BRAF: variants seen among roughly 807,000 people sequenced by gnomAD.
BRAF encodes the protein serine/threonine-protein kinase B-raf.
In BRAF, 16 loss-of-function variants were observed where a neutral mutation model predicts 104.6. That is an observed-to-expected ratio of 0.15 (90% CI 0.10 to 0.23). BRAF has a LOEUF of 0.23. Among genes scored for constraint, BRAF ranks in the 10% least tolerant of loss-of-function variants. The pLI is 1.00. For missense variants in BRAF, 541 were observed against 937.3 expected, an observed-to-expected ratio of 0.58 and a Z score of 5.52; for synonymous variants, 310 against 341.6, an observed-to-expected ratio of 0.91 and a Z score of 1.02.
Position 140,835,662 on chromosome 7 carries a change from T to C in BRAF, c.241-790A>G, listed in dbSNP as rs1807248600. On this transcript the variant is annotated intron_variant, in intron 2 of 19. Transcript: ENST00000644969. ...TGGGGCTACTATCCATCAGAGTATC[T>C]TCCTAGAAGTTTCATTTGATGAAGG... 2.0e-5 allele frequency: 3 copies of C among 151,984 alleles called. 1 individual carries two copies. Among genetic ancestry groups the C allele is most frequent in the Non-Finnish European group, 4.4e-5 (3 of 68,004 alleles). The allele number at this position is 151,984 out of a possible 1,614,324, so 9.4% of individuals were successfully genotyped here.
chr7:140,720,762 CA>C lies in BRAF; in HGVS notation c.*5731del. ...CAGTGACTTCCAACTCATACTCCAC[CA>C]AAACACACGTGGGTTCAAAAACTTA... On this transcript the variant is annotated 3_prime_UTR_variant, in exon 20 of 20. Transcript: ENST00000644969. 2.2e-5 allele frequency: 23 copies of C among 1,065,970 alleles called. No homozygotes were observed. The highest frequency in any genetic ancestry group is 2.6e-5 in the Non-Finnish European group (23 of 879,722). The allele number at this position is 1,065,970 out of a possible 1,614,324, so 66.0% of individuals were successfully genotyped here. A position where few individuals can be genotyped will look rare whatever the true frequency, so the allele number is the denominator to read the frequency against.
At chr7:140,811,011 A>G (rs1376509347) in intron 3 of BRAF, among the ~76,000 whole-genome samples, 1 of 152,180 alleles carries the variant, frequency 6.6e-6, no homozygotes, top group Non-Finnish European at 1.5e-5. Context: ...TGGTAAGCAT[A>G]AGAAGGCTAT....
intron 14 of BRAF, among the ~76,000 whole-genome samples, chr7:140,772,496 C>T (rs1030024028): frequency 6.6e-6 from 1 of 151,930 alleles, no homozygotes; most frequent in Admixed American, 6.6e-5. Context: ...TGATGGTGCG[C>T]CCTTGTAGTC....
chr7:140,899,154 A>C (rs1295042927), intron 1 of BRAF, among the ~76,000 whole-genome samples: 1 of 152,134 alleles, frequency 6.6e-6, no homozygotes, highest in East Asian at 1.9e-4. Context: ...GTCTAAAGCA[A>C]TGGCTGACTC....
At chr7:140,793,039 C>T (rs1294951743) in intron 8 of BRAF, among the ~76,000 whole-genome samples, 1 of 152,020 alleles carries the variant, frequency 6.6e-6, no homozygotes, top group Non-Finnish European at 1.5e-5. Context: ...AAAATATGGG[C>T]CCAAATGGCA....
intron 1 of BRAF, among the ~76,000 whole-genome samples, chr7:140,918,079 GAGA>G (rs1486895956): frequency 3.9e-5 from 6 of 152,136 alleles, no homozygotes; most frequent in Non-Finnish European, 8.8e-5. Context: ...GATGATACCT[GAGA>G]AGATTTATGC....
At chr7:140,783,294 T>C in intron 10 of BRAF, 137 bp from the exon 10 acceptor site, 1 of 1,122,026 alleles carries the variant, frequency 8.9e-7, no homozygotes, top group South Asian at 1.6e-5. Context: ...TTGGAAAGGA[T>C]GGGCCAAAAA....
At chr7:140,858,306 C>A (rs575398126) in intron 1 of BRAF, among the ~76,000 whole-genome samples, 20 of 152,292 alleles carry the variant, frequency 1.3e-4, no homozygotes, top group African/African-American at 4.8e-4. Flanking sequence ...TGAATCTAAT[C>A]AAGCCTTCAT....
chr7:140,819,640 A>ATACCATGGC (rs1223191883), intron 3 of BRAF, among the ~76,000 whole-genome samples: 9 of 152,254 alleles, frequency 5.9e-5, no homozygotes, highest in African/African-American at 2.2e-4. Flanking sequence ...CCAATGGAAT[A>ATACCATGGC]TTACTGAGCC....
At chr7:140,786,911 A>G (rs1294846054) in intron 9 of BRAF, among the ~76,000 whole-genome samples, 2 of 152,374 alleles carry the variant, frequency 1.3e-5, no homozygotes, top group African/African-American at 2.4e-5. Context: ...CCTTGGTAAG[A>G]TATTTTAAAA....
chr7:140,858,139 A>G (rs1196529592), intron 1 of BRAF, among the ~76,000 whole-genome samples: 1 of 152,200 alleles, frequency 6.6e-6, no homozygotes, highest in Non-Finnish European at 1.5e-5. Flanking sequence ...GGATACTTAC[A>G]TAGTGCCAAA....
In BRAF at chr7:140,739,848, G is replaced by A. The variant is rs2130899499; in HGVS notation, c.2211C>T (p.Leu737=). Residue 737 remains leucine (L), a synonymous_variant, in exon 18 of 20, where the codon CTC becomes CTT. Coordinates refer to ENST00000644969, the MANE Select transcript of BRAF (RefSeq NM_001374258.1). The stretch of plus-strand genomic sequence containing the variant: ...GTGGTCTCTCATCTCTTTTCTTTTT[G>A]AGGCACTCTGCCATTAATCTCTTCA... ...KAMKRLMAEC[L]KKKRDERPLF... is the part of the protein sequence containing the mutation. The A allele has an allele frequency of 6.2e-7, 1 of 1,611,978 alleles. No individual in the cohort carries two copies. The highest frequency in any genetic ancestry group is 1.1e-5 in the South Asian group (1 of 90,970).
intron 7 of BRAF, among the ~76,000 whole-genome samples, chr7:140,795,061 T>C (rs919697609): frequency 1.3e-5 from 2 of 152,196 alleles, no homozygotes; most frequent in African/African-American, 4.8e-5. Context: ...ATGCCCATTA[T>C]TGATAACAGA....
At chr7:140,776,000 T>C (rs983714488) in intron 14 of BRAF, among the ~76,000 whole-genome samples, 2 of 152,162 alleles carry the variant, frequency 1.3e-5, no homozygotes, top group Non-Finnish European at 2.9e-5. Flanking sequence ...AGTAGCATAG[T>C]GGTTATGGGG....
chr7:140,866,640 G>A (rs893254355), intron 1 of BRAF, among the ~76,000 whole-genome samples: 1 of 152,138 alleles, frequency 6.6e-6, no homozygotes, highest in African/African-American at 2.4e-5. Flanking sequence ...TAATAGTTAA[G>A]ATCAGAGAAG....
intron 1 of BRAF, among the ~76,000 whole-genome samples, chr7:140,861,768 T>C (rs1375391116): frequency 3.3e-5 from 5 of 152,190 alleles, no homozygotes; most frequent in African/African-American, 1.2e-4. Flanking sequence ...CTGAAGCATA[T>C]ATAAGACAAT....
At chr7:140,872,636 C>T (rs769608408) in intron 1 of BRAF, among the ~76,000 whole-genome samples, 9 of 152,132 alleles carry the variant, frequency 5.9e-5, no homozygotes, top group Non-Finnish European at 1.0e-4. Context: ...GGGAGGACTG[C>T]TTGAGCTCAG....
At chr7:140,899,635 A>T (rs181702721) in intron 1 of BRAF, among the ~76,000 whole-genome samples, 1,522 of 151,704 alleles carry the variant, frequency 0.01, 28 homozygotes, top group African/African-American at 0.035. Flanking sequence ...AATCATTTAA[A>T]TTTTTTTTTA....
intron 2 of BRAF, among the ~76,000 whole-genome samples, chr7:140,846,225 T>G (rs1436426959): frequency 6.6e-6 from 1 of 152,120 alleles, no homozygotes; most frequent in Non-Finnish European, 1.5e-5. Flanking sequence ...TTATTGATAA[T>G]AGCCAAAACG....
Sources: gnomAD v4.1 joint callset for allele counts (sites outside exome capture counted in the v4.1 genomes callset) on GRCh38, gnomAD v4.1.1 for gene constraint, MANE v1.5 for transcripts, NCBI Gene and HGNC (gene_info 2026-07-23, HGNC 2026-07-21) for gene names.